The following EFHB variants were observed in gnomAD, a reference collection of about 807,000 sequenced individuals.
The protein encoded by EFHB is EF-hand domain family member B, also known as EF-hand domain-containing family member B.
In EFHB, 91 loss-of-function variants were observed where a neutral mutation model predicts 87.2. That is an observed-to-expected ratio of 1.04 (90% CI 0.88 to 1.24). The LOEUF (loss-of-function observed/expected upper bound fraction) is 1.24. Among genes scored for constraint, EFHB ranks in the 50% most tolerant of loss-of-function variants. EFHB has a pLI of 0.00. For synonymous variants in EFHB, 325 were observed against 333.6 expected (o/e 0.97, Z 0.28); for missense variants, 1,084 against 998.8 (o/e 1.09, Z -1.15).
upstream of EFHB, among the ~76,000 whole-genome samples, chr3:19,937,005 C>A (rs1173116026): frequency 6.6e-6 from 1 of 151,828 alleles, no homozygotes; most frequent in African/African-American, 2.4e-5. Flanking sequence ...CCCATCTCTA[C>A]TAAAAATACA....
chr3:19,898,762 A>C lies in EFHB; in HGVS notation c.1570+16T>G. ...GTTTGTTTGGGGTTTTTTACGGAGA[A>C]AGTGTGTATATTTACCATATTCCTC... On this transcript the variant is annotated intron_variant, in intron 8 of 12. Coordinates refer to ENST00000295824, the MANE Select transcript of EFHB (RefSeq NM_144715.4). 5 of 1,612,446 alleles carry C rather than the reference A, an allele frequency of 3.1e-6. No homozygotes were observed. The highest frequency in any genetic ancestry group is 4.2e-6 in the Non-Finnish European group (5 of 1,179,092).
chr3:19,939,463 C>T (rs1013949523), intron 1 of EFHB, among the ~76,000 whole-genome samples: 2 of 139,298 alleles, frequency 1.4e-5, no homozygotes, highest in Non-Finnish European at 3.0e-5. Context: ...TGGCTCACTG[C>T]AAGCTCCGCC....
At chr3:19,943,341 G>C (rs534470014) in intron 1 of EFHB, 3 of 179,150 alleles carry the variant, frequency 1.7e-5, no homozygotes, top group African/African-American at 7.1e-5. Context: ...AGGCCGGATT[G>C]GATTCTGAAG....
upstream of EFHB, among the ~76,000 whole-genome samples, chr3:19,938,267 C>T (rs948550244): frequency 6.6e-5 from 10 of 152,220 alleles, no homozygotes; most frequent in African/African-American, 1.7e-4. Context: ...ATGTGGATTA[C>T]ACAGGTATAT....
At chr3:19,898,394 AG>A (rs1157249469) in intron 8 of EFHB, among the ~76,000 whole-genome samples, 2 of 152,210 alleles carry the variant, frequency 1.3e-5, no homozygotes, top group African/African-American at 4.8e-5. Flanking sequence ...AGGAGCTCCC[AG>A]GGGATGCCAA....
At chr3:19,908,632 G>C (rs1694947353) in intron 5 of EFHB, among the ~76,000 whole-genome samples, 1 of 150,342 alleles carries the variant, frequency 6.7e-6, no homozygotes. Context: ...AAGAAAGAAA[G>C]AAAGAAAGAA....
chr3:19,907,470 G>A (rs1294097236), intron 5 of EFHB, among the ~76,000 whole-genome samples: 1 of 152,182 alleles, frequency 6.6e-6, no homozygotes, highest in African/African-American at 2.4e-5. Flanking sequence ...AGGGAGGTAT[G>A]GCAATGATTT....
chr3:19,880,615 T>C (rs956326892), intron 12 of EFHB, among the ~76,000 whole-genome samples: 1 of 152,182 alleles, frequency 6.6e-6, no homozygotes, highest in African/African-American at 2.4e-5. Context: ...GTTGGAACTT[T>C]AACTATGTGT....
chr3:19,905,708 T>C lies in EFHB; in HGVS notation c.1330A>G (p.Arg444Gly). ...GTTGGTACTCCATACACACTACACCTATGGAAACTTGATGGGTTATACTTT... is the reference window on the plus strand; with the variant it reads ...GTTGGTACTCCATACACACTACACCCATGGAAACTTGATGGGTTATACTTT... ...NRKYNPSSFH[R>G]CSVYGVPTPH... is the part of the protein sequence containing the mutation. Residue 444 changes from arginine (R) to glycine (G), a missense_variant, in exon 6 of 13, where the codon AGG becomes GGG. Arg to Gly is a moderately radical substitution (Grantham distance 125). Coordinates refer to ENST00000295824, the MANE Select transcript of EFHB (RefSeq NM_144715.4). 1 of 1,612,908 alleles carries C rather than the reference T, an allele frequency of 6.2e-7. No homozygotes were observed. The highest frequency in any genetic ancestry group is 8.5e-7 in the Non-Finnish European group (1 of 1,179,180).
At position 19,879,748 on chromosome 3, in the gene EFHB, A is replaced by T; in HGVS notation, c.2385T>A (p.Asn795Lys). ...GVKLSDEEFE[N>K]VWNLASKKHH... Reference sequence around the variant, plus strand: ...GCTTTTTTGATGCAAGATTCCATACATTTTCAAATTCTTCATCAGACAGTT... The same window carrying T: ...GCTTTTTTGATGCAAGATTCCATACTTTTTCAAATTCTTCATCAGACAGTT... Residue 795 changes from asparagine to lysine, a missense_variant, in exon 13 of 13, where the codon AAT becomes AAA. Transcript: ENST00000295824. 1 of 1,609,758 alleles carries T rather than the reference A, an allele frequency of 6.2e-7. No individual in the cohort carries two copies. The highest frequency in any genetic ancestry group is 8.5e-7 in the Non-Finnish European group (1 of 1,178,886).
At chr3:19,906,512 C>T (rs9834480) in intron 5 of EFHB, among the ~76,000 whole-genome samples, 4,556 of 151,936 alleles carry the variant, frequency 0.03, 230 homozygotes, top group African/African-American at 0.1. Context: ...GGTAAAAGAC[C>T]TGTACACTGA....
At chr3:19,922,525 A>C (rs909857303) in intron 1 of EFHB, among the ~76,000 whole-genome samples, 1 of 152,136 alleles carries the variant, frequency 6.6e-6, no homozygotes, top group African/African-American at 2.4e-5. Context: ...TAATAAGTAA[A>C]AGTATACTTT....
At chr3:19,929,837 G>A (rs1429451567) in intron 1 of EFHB, among the ~76,000 whole-genome samples, 2 of 151,444 alleles carry the variant, frequency 1.3e-5, no homozygotes, top group Admixed American at 6.6e-5. Context: ...TTTTGCACTC[G>A]ATAATAACAA....
intron 1 of EFHB, among the ~76,000 whole-genome samples, chr3:19,945,703 T>C (rs888141573): frequency 1.3e-5 from 2 of 152,212 alleles, no homozygotes; most frequent in African/African-American, 2.4e-5. Context: ...ATAGTTCATA[T>C]TGAACAACTC....
At chr3:19,932,434 T>A (rs1165375391) in intron 1 of EFHB, among the ~76,000 whole-genome samples, 3 of 152,246 alleles carry the variant, frequency 2.0e-5, no homozygotes, top group African/African-American at 7.2e-5. Context: ...TCTTCATCTC[T>A]CAACACCCTG....
rs557699844 is a variant in EFHB at position 19,908,546 on chromosome 3, A to G, written c.1289-2797T>C. Among the ~76,000 whole-genome samples the G allele has an allele frequency of 4.6e-5, 3 of 64,834 alleles. No individual in the cohort carries two copies. In the South Asian group the frequency reaches 1.4e-3, roughly 29 times the overall value. The allele number at this position is 64,834 out of a possible 152,430, so 42.5% of individuals were successfully genotyped here. A position where few individuals can be genotyped will look rare whatever the true frequency, so the allele number is the denominator to read the frequency against. On this transcript the variant is annotated intron_variant, in intron 5 of 12. Transcript: ENST00000295824. ...AAACTCCGTCTCAAAAAAAGAAAGAAAGAGAGAAAGAGAGAAAGAGAGAGA... is the reference window on the plus strand; with the variant it reads ...AAACTCCGTCTCAAAAAAAGAAAGAGAGAGAGAAAGAGAGAAAGAGAGAGA...
At chr3:19,941,279 G>A (rs1431131774) in intron 1 of EFHB, 3 of 270,088 alleles carry the variant, frequency 1.1e-5, no homozygotes, top group Admixed American at 9.2e-5. Context: ...CTTCAAATAG[G>A]GCATGTGTAA....
At chr3:19,942,281 C>A in intron 1 of EFHB, 1 of 153,140 alleles carries the variant, frequency 6.5e-6, no homozygotes, top group South Asian at 1.9e-4. Flanking sequence ...TGATAATTCT[C>A]AGTACATTGA....
At chr3:19,943,336 G>A (rs1054385358) in intron 1 of EFHB, 8 of 187,700 alleles carry the variant, frequency 4.3e-5, no homozygotes, top group South Asian at 3.3e-4. Flanking sequence ...CATGTAGGCC[G>A]GATTGGATTC....
Sources: gnomAD v4.1 joint callset for allele counts (sites outside exome capture counted in the v4.1 genomes callset) on GRCh38, gnomAD v4.1.1 for gene constraint, MANE v1.5 for transcripts, NCBI Gene and HGNC (gene_info 2026-07-23, HGNC 2026-07-21) for gene names.